PIK3R4: variants seen among roughly 807,000 people sequenced by gnomAD.
PIK3R4 encodes phosphoinositide 3-kinase regulatory subunit 4.
A neutral mutation model predicts 136.5 loss-of-function variants in PIK3R4; 46 were observed. The observed-to-expected ratio is 0.34, with a 90% CI of 0.27 to 0.43. PIK3R4 has a LOEUF of 0.43. Ranked by LOEUF, PIK3R4 falls within the 20% of genes least tolerant of loss-of-function variation. The probability of loss-of-function intolerance (pLI) is 1.00; values close to 1 mark genes in which losing one functional copy is unlikely to be tolerated. For missense variants in PIK3R4, 1,331 were observed against 1,649.5 expected (o/e 0.81, Z 3.35); for synonymous variants, 557 against 566.7 (o/e 0.98, Z 0.24).
At chr3:130,690,894 CTT>C (rs1247659280) in intron 13 of PIK3R4, among the ~76,000 whole-genome samples, 50 of 131,834 alleles carry the variant, frequency 3.8e-4, no homozygotes, top group African/African-American at 1.3e-3. Context: ...TCCTTCTCCT[CTT>C]TTTTTTTTTT....
Position 130,708,304 on chromosome 3 carries a change from T to C in PIK3R4, c.2520A>G (p.Pro840=), listed in dbSNP as rs151136335. The C allele has an allele frequency of 1.4e-4, 231 of 1,613,420 alleles. No individual in the cohort carries two copies. The highest frequency in any genetic ancestry group is 1.7e-4 in the Non-Finnish European group (202 of 1,179,538). ...AAGCATACTAACCCCGTTTGTCATC[T>C]GGTTCTTGTTTGGTTTTAACAAGAT... ...QVDLVKTKQE[P]DDKRARKHVK... is the part of the protein sequence containing the mutation. Residue 840 remains proline (P), a synonymous_variant, in exon 10 of 20, where the codon CCA becomes CCG. Coordinates refer to ENST00000356763, the MANE Select transcript of PIK3R4 (RefSeq NM_014602.3).
intron 13 of PIK3R4, among the ~76,000 whole-genome samples, chr3:130,700,338 A>C (rs1391044827): frequency 6.6e-6 from 1 of 152,208 alleles, no homozygotes; most frequent in Admixed American, 6.5e-5. Context: ...CTCCATTTAG[A>C]TATTTTACTA....
At chr3:130,711,818 GA>G (rs776436904) in intron 9 of PIK3R4, among the ~76,000 whole-genome samples, 1 of 152,134 alleles carries the variant, frequency 6.6e-6, no homozygotes, top group Non-Finnish European at 1.5e-5. Flanking sequence ...CACAGAGAAA[GA>G]AACTCCCTGG....
intron 3 of PIK3R4, among the ~76,000 whole-genome samples, chr3:130,735,313 C>T (rs962225936): frequency 2.6e-5 from 4 of 152,100 alleles, no homozygotes; most frequent in Admixed American, 1.3e-4. Context: ...GAAAAGATGC[C>T]CTCAAACAAT....
At chr3:130,720,336 C>T (rs2066692922) in intron 7 of PIK3R4, among the ~76,000 whole-genome samples, 1 of 152,150 alleles carries the variant, frequency 6.6e-6, no homozygotes, top group Non-Finnish European at 1.5e-5. Flanking sequence ...GCTAGGATTA[C>T]AGACATGCGC....
At chr3:130,702,902 T>C (rs915744362) in intron 13 of PIK3R4, among the ~76,000 whole-genome samples, 5 of 152,216 alleles carry the variant, frequency 3.3e-5, no homozygotes. Flanking sequence ...TTCTATAATT[T>C]TTTTACTTTT....
chr3:130,693,002 C>T (rs1473514690), intron 13 of PIK3R4, among the ~76,000 whole-genome samples: 1 of 152,162 alleles, frequency 6.6e-6, no homozygotes, highest in Non-Finnish European at 1.5e-5. Context: ...ATGCTCCCTT[C>T]CCCCAGCACC....
At chr3:130,745,622 A>G (rs1414178202) in intron 1 of PIK3R4, among the ~76,000 whole-genome samples, 1 of 152,190 alleles carries the variant, frequency 6.6e-6, no homozygotes, top group Non-Finnish European at 1.5e-5. Flanking sequence ...AGCCTTTACT[A>G]TGTGTTCCGT....
chr3:130,691,949 A>C (rs1220408588), intron 13 of PIK3R4, among the ~76,000 whole-genome samples: 3 of 139,772 alleles, frequency 2.1e-5, no homozygotes, highest in African/African-American at 8.2e-5. Context: ...ATCTGGGCTC[A>C]CCACAAGCTC....
intron 7 of PIK3R4, among the ~76,000 whole-genome samples, chr3:130,720,100 C>T (rs1415747801): frequency 6.6e-6 from 1 of 152,176 alleles, no homozygotes; most frequent in Non-Finnish European, 1.5e-5. Context: ...ATTATTATAT[C>T]ATTAAGTAGC....
At chr3:130,740,128 T>C (rs1316302972) in intron 2 of PIK3R4, among the ~76,000 whole-genome samples, 2 of 151,954 alleles carry the variant, frequency 1.3e-5, no homozygotes, top group Non-Finnish European at 2.9e-5. Context: ...GATTCTACAA[T>C]AATTTCAAAC....
chr3:130,745,928 C>T (rs1487412580), intron 1 of PIK3R4, among the ~76,000 whole-genome samples: 1 of 151,766 alleles, frequency 6.6e-6, no homozygotes, highest in Non-Finnish European at 1.5e-5. Context: ...GAGGCTGACG[C>T]AGAATTGCTT....
chr3:130,711,679 T>C (rs1379090694), intron 9 of PIK3R4, among the ~76,000 whole-genome samples: 3 of 152,216 alleles, frequency 2.0e-5, no homozygotes, highest in Admixed American at 1.3e-4. Context: ...GGTCTGGACC[T>C]ATCCTAAACC....
intron 14 of PIK3R4, 54 bp downstream of exon 14, chr3:130,690,436 A>G: frequency 8.1e-7 from 1 of 1,241,216 alleles, no homozygotes; most frequent in Non-Finnish European, 1.1e-6. Context: ...AAGGAGACTT[A>G]AGGTACTGTA....
Position 130,708,487 on chromosome 3 carries a change from C to A in PIK3R4, c.2337G>T (p.Met779Ile). The A allele has an allele frequency of 6.2e-7, 1 of 1,611,736 alleles. No individual in the cohort carries two copies. The highest frequency in any genetic ancestry group is 1.1e-5 in the South Asian group (1 of 90,888). Residue 779 changes from methionine to isoleucine, a missense_variant, in exon 10 of 20, where the codon ATG (methionine) becomes ATT (isoleucine). Transcript: ENST00000356763. The part of the protein sequence containing the change: ...QLLKKLLSQG[M>I]TEEEEDKLLA... Reference sequence around the variant, plus strand: ...GAAGTTTGTCTTCCTCTTCCTCTGTCATTCCCTAAAACCAAATAAAACCAT... The same window carrying A: ...GAAGTTTGTCTTCCTCTTCCTCTGTAATTCCCTAAAACCAAATAAAACCAT...
In PIK3R4 at chr3:130,745,054, A is replaced by T. The variant is rs1196386639; in HGVS notation, c.165T>A (p.Phe55Leu). The change falls in exon 2 of 20, where the codon TTT becomes TTA. Residue 55 changes from phenylalanine (F) to leucine (L), a missense_variant. This residue lies in a region of PIK3R4 where 151 missense variants were observed against 242.5 expected (regional missense o/e 0.62). Coordinates refer to ENST00000356763, the MANE Select transcript of PIK3R4 (RefSeq NM_014602.3). Reference sequence around the variant, plus strand: ...AAGGCAATGTGGGATCCTGAATTGCAAAAACCTTCACAACGACCAGGCCTT... The same window carrying T: ...AAGGCAATGTGGGATCCTGAATTGCTAAAACCTTCACAACGACCAGGCCTT... Reference protein sequence around the residue: ...HREGLVVVKVFAIQDPTLPLT... With the variant: ...HREGLVVVKVLAIQDPTLPLT... 6.2e-7 allele frequency: 1 copy of T among 1,613,496 alleles called. No homozygotes were observed. The highest frequency in any genetic ancestry group is 1.7e-5 in the Admixed American group (1 of 59,886).
At chr3:130,702,611 T>C (rs1478048259) in intron 13 of PIK3R4, among the ~76,000 whole-genome samples, 2 of 152,204 alleles carry the variant, frequency 1.3e-5, no homozygotes, top group Non-Finnish European at 2.9e-5. Context: ...CAATTCTGAT[T>C]TCTAGCAGCT....
chr3:130,735,752 T>C (rs1475379952), intron 3 of PIK3R4, 117 bp downstream of exon 3: 2 of 825,544 alleles, frequency 2.4e-6, no homozygotes, highest in South Asian at 3.6e-5. Context: ...TTTATATTAG[T>C]CTATGGTGTT....
chr3:130,696,211 A>C (rs2066545657), intron 13 of PIK3R4, among the ~76,000 whole-genome samples: 1 of 150,796 alleles, frequency 6.6e-6, no homozygotes, highest in South Asian at 2.1e-4. Flanking sequence ...AATTTTGTTT[A>C]TCTTTACAAA....
Sources: allele counts gnomAD v4.1 joint callset (sites outside exome capture counted in the v4.1 genomes callset), GRCh38; gene constraint gnomAD v4.1.1; regional missense constraint gnomAD v4.1.1; transcripts MANE v1.5; gene names NCBI Gene and HGNC (gene_info 2026-07-23, HGNC 2026-07-21).